Variants in FSTL5 observed in about 807,000 individuals in gnomAD.
FSTL5 encodes follistatin-related protein 5.
FSTL5 carries 62 observed loss-of-function variants against 89.1 expected under a neutral mutation model. The observed-to-expected ratio is 0.70, with a 90% confidence interval of 0.57 to 0.86. The LOEUF is 0.86. Ranked by LOEUF, FSTL5 falls within the 40% of genes least tolerant of loss-of-function variation. The probability of loss-of-function intolerance (pLI) is 0.00; values close to 1 mark genes in which losing one functional copy is unlikely to be tolerated. For missense variants in FSTL5, 1,057 were observed against 1,001.6 expected, an observed-to-expected ratio of 1.06 and a Z score of -0.75; for synonymous variants, 383 against 346.2, an observed-to-expected ratio of 1.11 and a Z score of -1.18.
At chr4:161,885,337 T>C (rs1458765034) in intron 4 of FSTL5, among the ~76,000 whole-genome samples, 1 of 152,182 alleles carries the variant, frequency 6.6e-6, no homozygotes, top group Non-Finnish European at 1.5e-5. Context: ...GATGGTATAC[T>C]CTGTTTTGGA....
intron 2 of FSTL5, among the ~76,000 whole-genome samples, chr4:162,041,255 G>C (rs1297982282): frequency 7.0e-6 from 1 of 142,050 alleles, no homozygotes; most frequent in African/African-American, 2.6e-5. Context: ...AAGTGTAAAA[G>C]CACATTCTGT....
chr4:161,906,363 T>A (rs188221945), intron 4 of FSTL5, among the ~76,000 whole-genome samples: 12 of 152,282 alleles, frequency 7.9e-5, no homozygotes, highest in Admixed American at 5.9e-4. Context: ...AAGATATGGT[T>A]TTGAAATAGC....
At chr4:161,494,617 G>A (rs1050253804) in intron 12 of FSTL5, among the ~76,000 whole-genome samples, 8 of 152,238 alleles carry the variant, frequency 5.3e-5, no homozygotes, top group African/African-American at 1.9e-4. Flanking sequence ...TAACAGACTG[G>A]TAACAGTAGT....
chr4:161,801,081 C>T (rs1729776402), intron 4 of FSTL5, among the ~76,000 whole-genome samples: 1 of 151,482 alleles, frequency 6.6e-6, no homozygotes, highest in Non-Finnish European at 1.5e-5. Context: ...AAGTGCTACA[C>T]TTGTCATATT....
At chr4:161,695,451 GTGTATA>G (rs974194445) in intron 6 of FSTL5, among the ~76,000 whole-genome samples, 2 of 126,992 alleles carry the variant, frequency 1.6e-5, no homozygotes, top group South Asian at 2.5e-4. Flanking sequence ...GTGTGTGTGT[GTGTATA>G]TATATCACAT....
chr4:161,846,601 A>T (rs1016869592), intron 4 of FSTL5, among the ~76,000 whole-genome samples: 1 of 151,938 alleles, frequency 6.6e-6, no homozygotes, highest in Non-Finnish European at 1.5e-5. Context: ...ATCACAATCC[A>T]CTCTACTAAT....
intron 15 of FSTL5, among the ~76,000 whole-genome samples, chr4:161,410,215 C>T (rs1731540431): frequency 6.6e-6 from 1 of 152,118 alleles, no homozygotes; most frequent in East Asian, 1.9e-4. Flanking sequence ...AAAATTGGGG[C>T]ACCCAGATTC....
chr4:162,080,699 T>A (rs1384464174), intron 2 of FSTL5, among the ~76,000 whole-genome samples: 1 of 151,686 alleles, frequency 6.6e-6, no homozygotes, highest in Non-Finnish European at 1.5e-5. Flanking sequence ...AGTTTGAGTA[T>A]CAATATTTTG....
At chr4:161,477,554 A>G (rs115880125) in intron 13 of FSTL5, among the ~76,000 whole-genome samples, 7,725 of 151,384 alleles carry the variant, frequency 0.051, 201 homozygotes, top group Admixed American at 0.054. Context: ...CTGACTTTAT[A>G]TCTTAATTTT....
chr4:162,117,308 T>A (rs1731680081), intron 1 of FSTL5, among the ~76,000 whole-genome samples: 1 of 152,184 alleles, frequency 6.6e-6, no homozygotes, highest in Non-Finnish European at 1.5e-5. Context: ...TCCATCTGAG[T>A]AGATTTATCA....
At chr4:161,874,409 G>A (rs1163882704) in intron 4 of FSTL5, among the ~76,000 whole-genome samples, 1 of 151,656 alleles carries the variant, frequency 6.6e-6, no homozygotes, top group Non-Finnish European at 1.5e-5. Flanking sequence ...CATGTATTTT[G>A]GGGTGGATCT....
At chr4:161,745,167 C>T (rs1740155020) in intron 6 of FSTL5, among the ~76,000 whole-genome samples, 1 of 152,020 alleles carries the variant, frequency 6.6e-6, no homozygotes, top group Non-Finnish European at 1.5e-5. Flanking sequence ...CCACTATCTC[C>T]ATAAACTATT....
chr4:161,745,939 C>T (rs1740187587), intron 6 of FSTL5, among the ~76,000 whole-genome samples: 1 of 152,116 alleles, frequency 6.6e-6, no homozygotes, highest in African/African-American at 2.4e-5. Context: ...TTCTTTTAAT[C>T]TAAGTTTTTC....
chr4:162,097,315 T>C (rs1188139674), intron 2 of FSTL5, among the ~76,000 whole-genome samples: 2 of 151,816 alleles, frequency 1.3e-5, no homozygotes, highest in South Asian at 2.1e-4. Flanking sequence ...ATGGTGTGTA[T>C]ATATATGTGT....
At position 162,033,661 on chromosome 4, in the gene FSTL5, G is replaced by A. The variant is rs1560982229; in HGVS notation, c.127-3C>T. 6.7e-7 allele frequency: 1 copy of A among 1,486,680 alleles called. No individual in the cohort carries two copies. The highest frequency in any genetic ancestry group is 9.2e-7 in the Non-Finnish European group (1 of 1,083,994). The allele number at this position is 1,486,680 out of a possible 1,614,324, so 92.1% of individuals were successfully genotyped here. ...GAACTTTCTTGATTTTTTTCCTGCT[G>A]GAAATAAAACAGAAAATAGGTCAAA... On this transcript the variant is annotated splice_polypyrimidine_tract_variant and splice_region_variant and intron_variant, in intron 2 of 15. Transcript: ENST00000306100.
At chr4:161,890,322 C>T (rs1732944956) in intron 4 of FSTL5, among the ~76,000 whole-genome samples, 1 of 152,052 alleles carries the variant, frequency 6.6e-6, no homozygotes, top group African/African-American at 2.4e-5. Context: ...AGCACAAATT[C>T]AAATTTGGAT....
chr4:161,891,300 A>G (rs72981136), intron 4 of FSTL5, among the ~76,000 whole-genome samples: 3,127 of 152,072 alleles, frequency 0.021, 103 homozygotes, highest in African/African-American at 0.071. Flanking sequence ...TACTTTTGCT[A>G]TTGTTCTTTT....
chr4:161,455,723 A>G (rs559079940), intron 14 of FSTL5, among the ~76,000 whole-genome samples: 3 of 152,126 alleles, frequency 2.0e-5, no homozygotes, highest in Non-Finnish European at 2.9e-5. Context: ...CATTTAAACT[A>G]GTTTATTTCC....
chr4:161,943,742 A>G (rs1734659549), intron 3 of FSTL5, among the ~76,000 whole-genome samples: 1 of 151,240 alleles, frequency 6.6e-6, no homozygotes, highest in Admixed American at 6.6e-5. Context: ...TTTTTAGTAG[A>G]GATGGGGTTT....
Sources: allele counts gnomAD v4.1 joint callset (sites outside exome capture counted in the v4.1 genomes callset), GRCh38; gene constraint gnomAD v4.1.1; transcripts MANE v1.5; gene names NCBI Gene and HGNC (gene_info 2026-07-23, HGNC 2026-07-21).